The following RFX2 variants were observed in gnomAD, a reference collection of about 807,000 sequenced individuals.
The protein encoded by RFX2 is DNA-binding protein RFX2.
RFX2 carries 20 observed loss-of-function variants against 87.8 expected under a neutral mutation model. That is an observed-to-expected ratio of 0.23 (90% confidence interval 0.16 to 0.33). The LOEUF is 0.33. Among genes scored for constraint, RFX2 ranks in the 10% least tolerant of loss-of-function variants. The probability of loss-of-function intolerance (pLI) is 1.00; values close to 1 mark genes in which losing one functional copy is unlikely to be tolerated. For missense variants in RFX2, 767 were observed against 1,012.3 expected (o/e 0.76, Z 3.29); for synonymous variants, 397 against 431.3 (o/e 0.92, Z 0.98).
rs957884327 is a variant in RFX2, at chr19:5,993,292, A to G, written c.*1543T>C. 1 of 152,232 alleles carries G rather than the reference A, an allele frequency of 6.6e-6. No homozygotes were observed. Among genetic ancestry groups the G allele is most frequent in the Admixed American group, 6.5e-5 (1 of 15,292 alleles). The allele number at this position is 152,232 out of a possible 1,614,324, so 9.4% of individuals were successfully genotyped here. On this transcript the variant is annotated 3_prime_UTR_variant, in exon 18 of 18. Coordinates refer to ENST00000303657, the MANE Select transcript of RFX2 (RefSeq NM_000635.4). The stretch of plus-strand genomic sequence containing the variant: ...ATTTTAAAGACATTCTTTCTGTCTG[A>G]TTTCAACTAAGGTTTGGGCTATACG...
chr19:6,067,672 T>C (rs893646385), intron 1 of RFX2, among the ~76,000 whole-genome samples: 6 of 152,176 alleles, frequency 3.9e-5, no homozygotes, highest in African/African-American at 1.4e-4. Context: ...GAGGGTGAAG[T>C]GGCACCACCA....
chr19:6,065,399 C>A (rs542986260), intron 1 of RFX2, among the ~76,000 whole-genome samples: 111 of 152,278 alleles, frequency 7.3e-4, no homozygotes, highest in Non-Finnish European at 1.4e-3. Context: ...GTAATCCCAG[C>A]ACTTTGGGAG....
chr19:6,034,460 C>A (rs1185624936), intron 5 of RFX2, among the ~76,000 whole-genome samples: 1 of 152,110 alleles, frequency 6.6e-6, no homozygotes, highest in Non-Finnish European at 1.5e-5. Flanking sequence ...ATCTCTTGAC[C>A]TTGTGATCCA....
chr19:6,085,030 C>CT (rs1483216045), intron 1 of RFX2, among the ~76,000 whole-genome samples: 1 of 152,216 alleles, frequency 6.6e-6, no homozygotes, highest in African/African-American at 2.4e-5. Flanking sequence ...TCAGAATTTC[C>CT]TTCCTTTTTC....
intron 17 of RFX2, 56 bp from the exon 18 acceptor site, chr19:5,995,006 G>T: frequency 2.2e-6 from 3 of 1,378,676 alleles, no homozygotes; most frequent in Non-Finnish European, 3.1e-6. Context: ...GAGAGGGAGA[G>T]AAGGAAGTGC....
At chr19:6,105,118 C>CA (rs1261973557) in intron 1 of RFX2, among the ~76,000 whole-genome samples, 722 of 62,220 alleles carry the variant, frequency 0.012, 4 homozygotes, top group African/African-American at 0.025. Context: ...CTCCGTCTCA[C>CA]AAAAAAAAAA....
chr19:6,051,333 T>C (rs946901046), intron 1 of RFX2, among the ~76,000 whole-genome samples: 1 of 152,192 alleles, frequency 6.6e-6, no homozygotes, highest in African/African-American at 2.4e-5. Context: ...TAACACTCCA[T>C]TGTGGGGTTT....
rs2086753013 is a variant in RFX2 at position 6,017,926 on chromosome 19, C to T, written c.598-1655G>A. 6.8e-6 allele frequency among the ~76,000 whole-genome samples: 1 copy of T among 146,834 alleles called. No individual in the cohort carries two copies. Among genetic ancestry groups the T allele is most frequent in the Non-Finnish European group, 1.5e-5 (1 of 66,254 alleles). The stretch of plus-strand genomic sequence containing the variant: ...CCTGTCTGTTTGCCCCATCCCCACC[C>T]CCCCAACTCAGCATTAGAAGCTGGG... On this transcript the variant is annotated intron_variant, in intron 6 of 17. Coordinates refer to ENST00000303657, the MANE Select transcript of RFX2 (RefSeq NM_000635.4). This position sits in a 1 kb window ranked among gnomAD's most constrained non-coding sequence, Gnocchi z 4.1.
At chr19:6,067,901 A>C (rs1042230940) in intron 1 of RFX2, 1 of 152,224 alleles carries the variant, frequency 6.6e-6, no homozygotes, top group Non-Finnish European at 1.5e-5. Flanking sequence ...AGACAGACAC[A>C]GTCAGTGCAC....
chr19:6,065,842 G>A (rs1247228706), intron 1 of RFX2, among the ~76,000 whole-genome samples: 2 of 152,092 alleles, frequency 1.3e-5, no homozygotes, highest in Non-Finnish European at 2.9e-5. Context: ...TTTAGTGAGG[G>A]GCTGGAGTGT....
rs199920056 is a variant in RFX2 at position 6,013,064 on chromosome 19, G to C, written c.821C>G (p.Pro274Arg). 1 of 1,600,158 alleles carries C rather than the reference G, an allele frequency of 6.2e-7. No individual in the cohort carries two copies. Among genetic ancestry groups the C allele is most frequent in the South Asian group, 1.1e-5 (1 of 88,942 alleles). ...KYHYYGIRLK[P>R]DSPLNRLQED... ...CTGCAGCCGGTTCAGTGGTGAGTCCGGCTTCAGACGAATCCCATAGTAATG... is the reference window on the plus strand; with the variant it reads ...CTGCAGCCGGTTCAGTGGTGAGTCCCGCTTCAGACGAATCCCATAGTAATG... Residue 274 changes from proline (P) to arginine (R), a missense_variant, in exon 8 of 18, where the codon CCG becomes CGG. By Grantham distance (103) the Pro-to-Arg change is moderately radical. Around this residue, in one of 2 missense-constraint regions of RFX2, gnomAD observed 621 missense variants for 873.0 expected, o/e 0.71. Coordinates refer to ENST00000303657, the MANE Select transcript of RFX2 (RefSeq NM_000635.4). This position sits in a 1 kb window ranked among gnomAD's most constrained non-coding sequence, Gnocchi z 4.1.
intron 1 of RFX2, among the ~76,000 whole-genome samples, chr19:6,088,649 CTCTT>C (rs2087891064): frequency 6.6e-6 from 1 of 152,174 alleles, no homozygotes; most frequent in South Asian, 2.1e-4. Flanking sequence ...ATTCCTCTCT[CTCTT>C]AGAGAAAGCA....
chr19:6,100,884 G>GAATTATATTGATTGAATTAATTGAATT (rs1555683605), intron 1 of RFX2, among the ~76,000 whole-genome samples: 2 of 150,162 alleles, frequency 1.3e-5, no homozygotes, highest in African/African-American at 5.0e-5. Context: ...TTAATTAATT[G>GAATTATATTGATTGAATTAATTGAATT]AATTAATTAA....
Position 6,004,095 on chromosome 19 carries a change from C to A in RFX2, c.1500+106G>T. Reference sequence around the variant, plus strand: ...GAAGGGATCGGTTACTCTCATGACGCAGGGAAGAAGCCAGCGCTCTCTGGG... The same window carrying A: ...GAAGGGATCGGTTACTCTCATGACGAAGGGAAGAAGCCAGCGCTCTCTGGG... On this transcript the variant is annotated intron_variant, in intron 13 of 17. Transcript: ENST00000303657. This position sits in a 1 kb window ranked among gnomAD's most constrained non-coding sequence, Gnocchi z 4.8. 1.1e-6 allele frequency: 1 copy of A among 874,930 alleles called. No individual in the cohort carries two copies. The highest frequency in any genetic ancestry group is 1.4e-5 in the South Asian group (1 of 73,876). 54.2% of individuals were successfully genotyped at this position (874,930 alleles called of 1,614,324 possible).
In RFX2 at chr19:6,020,374, C is replaced by G. The variant is rs763861301; in HGVS notation, c.598-4103G>C. 22 of 151,744 alleles carry G rather than the reference C, an allele frequency of 1.4e-4. No individual in the cohort carries two copies. Among genetic ancestry groups the G allele is most frequent in the Non-Finnish European group, 2.9e-4 (20 of 68,044 alleles). 9.4% of individuals were successfully genotyped at this position (151,744 alleles called of 1,614,324 possible). A position where few individuals can be genotyped will look rare whatever the true frequency, so the allele number is the denominator to read the frequency against. On this transcript the variant is annotated intron_variant, in intron 6 of 17. Coordinates refer to ENST00000303657, the MANE Select transcript of RFX2 (RefSeq NM_000635.4). This position sits in a 1 kb window ranked among gnomAD's most constrained non-coding sequence, Gnocchi z 5.3. ...ATAGTTGTCTTGACAGCAAGTCCTT[C>G]TTGCTCAACATCAAGAAACCACAGA...
rs151204558 is a variant in RFX2 at position 6,017,294 on chromosome 19, C to T, written c.598-1023G>A. ...GAGTCCCGAGCCAAGGACTATGCCT[C>T]GAGAGGTGAACATCCAGTTAGAAGG... On this transcript the variant is annotated intron_variant, in intron 6 of 17. Coordinates refer to ENST00000303657, the MANE Select transcript of RFX2 (RefSeq NM_000635.4). This position sits in a 1 kb window ranked among gnomAD's most constrained non-coding sequence, Gnocchi z 4.1. 7.9e-5 allele frequency among the ~76,000 whole-genome samples: 12 copies of T among 152,292 alleles called. No individual in the cohort carries two copies. Among genetic ancestry groups the T allele is most frequent in the African/African-American group, 1.7e-4 (7 of 41,562 alleles).
intron 1 of RFX2, among the ~76,000 whole-genome samples, chr19:6,067,147 C>T (rs931261148): frequency 6.6e-6 from 1 of 152,070 alleles, no homozygotes; most frequent in Non-Finnish European, 1.5e-5. Context: ...GCCCTTTTCT[C>T]CAAGAGGAAA....
rs934472846 is a variant in RFX2, at chr19:6,022,143, G to A, written c.597+4020C>T. 7.9e-4 allele frequency among the ~76,000 whole-genome samples: 120 copies of A among 152,106 alleles called. No individual in the cohort carries two copies. The highest frequency in any genetic ancestry group is 4.4e-5 in the Non-Finnish European group (3 of 68,010). ...GGGAGGCGCAGGGGTTGTGGGAGGCGCAGGGGTTGTTGAGGGTGGAGGCCA... is the reference window on the plus strand; with the variant it reads ...GGGAGGCGCAGGGGTTGTGGGAGGCACAGGGGTTGTTGAGGGTGGAGGCCA... On this transcript the variant is annotated intron_variant, in intron 6 of 17. Coordinates refer to ENST00000303657, the MANE Select transcript of RFX2 (RefSeq NM_000635.4). This position sits in a 1 kb window ranked among gnomAD's most constrained non-coding sequence, Gnocchi z 6.2.
At position 5,995,486 on chromosome 19, in the gene RFX2, C is replaced by T. The variant is rs1321098800; in HGVS notation, c.2056+115G>A. ...ATGACAGATCCCAGGGCCCTCACCC[C>T]CCAAGGGGCTGCCCGCATTTCCACC... On this transcript the variant is annotated intron_variant, in intron 17 of 17. Transcript: ENST00000303657. 38 of 1,082,464 alleles carry T rather than the reference C, an allele frequency of 3.5e-5. 1 individual carries two copies. In the Admixed American group the frequency reaches 7.2e-4, roughly 21 times the overall value. 67.1% of individuals were successfully genotyped at this position (1,082,464 alleles called of 1,614,324 possible).
Sources: allele counts gnomAD v4.1 joint callset (sites outside exome capture counted in the v4.1 genomes callset), GRCh38; gene constraint gnomAD v4.1.1; regional missense constraint gnomAD v4.1.1; non-coding constraint Gnocchi (gnomAD v3.1); transcripts MANE v1.5; gene names NCBI Gene and HGNC (gene_info 2026-07-23, HGNC 2026-07-21).